The following PHACTR2 variants were observed in gnomAD, a reference collection of about 807,000 sequenced individuals.
The protein encoded by PHACTR2 is phosphatase and actin regulator 2.
A neutral mutation model predicts 76.0 loss-of-function variants in PHACTR2; 30 were observed. The ratio of observed to expected loss-of-function variants is 0.39; its 90% confidence interval spans 0.30 to 0.54. PHACTR2 has a LOEUF of 0.54. Among genes scored for constraint, PHACTR2 ranks in the 20% least tolerant of loss-of-function variants. The probability of loss-of-function intolerance (pLI) is 0.61; values close to 1 mark genes in which losing one functional copy is unlikely to be tolerated. For synonymous variants in PHACTR2, 292 were observed against 292.5 expected (o/e 1.00, Z 0.02); for missense variants, 696 against 781.1 (o/e 0.89, Z 1.30).
chr6:143,669,947 G>T (rs567533905), intron 1 of PHACTR2, among the ~76,000 whole-genome samples: 9 of 152,222 alleles, frequency 5.9e-5, no homozygotes, highest in African/African-American at 2.2e-4. Flanking sequence ...TCATAGTGTC[G>T]ATGGACTTTA....
At position 143,825,165 on chromosome 6, in the gene PHACTR2, A is replaced by G. The variant is rs571291802; in HGVS notation, c.*1476A>G. The G allele has an allele frequency of 2.0e-5, 3 of 152,728 alleles. No homozygotes were observed. The highest frequency in any genetic ancestry group is 4.4e-5 in the Non-Finnish European group (3 of 68,020). 9.5% of individuals were successfully genotyped at this position (152,728 alleles called of 1,614,324 possible). A position where few individuals can be genotyped will look rare whatever the true frequency, so the allele number is the denominator to read the frequency against. On this transcript the variant is annotated 3_prime_UTR_variant, in exon 13 of 13. Coordinates refer to ENST00000440869, the MANE Select transcript of PHACTR2 (RefSeq NM_001100164.2). The surrounding 1 kb of genome is among the most constrained non-coding windows in gnomAD (Gnocchi z 4.1). ...ATTAAAAACACATGAAATGAATAAC[A>G]AAACAAGACCCAAATAGAGTTTATT...
At position 143,580,881 on chromosome 6, in the gene PHACTR2, G is replaced by A. The variant is rs1775564365; in HGVS notation, c.217+43674G>A. Among the ~76,000 whole-genome samples the A allele has an allele frequency of 6.6e-6, 1 of 152,130 alleles. No individual in the cohort carries two copies. The highest frequency in any genetic ancestry group is 2.4e-5 in the African/African-American group (1 of 41,442). ...AGGGAACCAGGGTGGAGGTAAACTGGGAGGTGGGTGCTAAAACTTCTAGGG... is the reference window on the plus strand; with the variant it reads ...AGGGAACCAGGGTGGAGGTAAACTGAGAGGTGGGTGCTAAAACTTCTAGGG... On this transcript the variant is annotated intron_variant, in intron 1 of 11. Transcript: ENST00000367584. This position sits in a 1 kb window ranked among gnomAD's most constrained non-coding sequence, Gnocchi z 4.2.
At position 143,619,882 on chromosome 6, in the gene PHACTR2, G is replaced by C. The variant is rs1256550109; in HGVS notation, c.13+11560G>C. On this transcript the variant is annotated intron_variant, in intron 1 of 11. Coordinates refer to the PHACTR2 transcript ENST00000305766. This position sits in a 1 kb window ranked among gnomAD's most constrained non-coding sequence, Gnocchi z 4.5. ...AGAGTGAAAATATCTTAGGTCCCCT[G>C]TGTGAGATTCTATAGTCTTCACAGC... Among the ~76,000 whole-genome samples, 2 of 152,138 alleles carry C rather than the reference G, an allele frequency of 1.3e-5. No homozygotes were observed. The highest frequency in any genetic ancestry group is 2.9e-5 in the Non-Finnish European group (2 of 68,020).
In PHACTR2 at chr6:143,755,379, C is replaced by T. The variant is rs768474302; in HGVS notation, c.454+1467C>T. The stretch of plus-strand genomic sequence containing the variant: ...CATCCAAGAATCGCATCCTGCATTA[C>T]GTAACAGTGCCATCTCTGGTGCCTG... On this transcript the variant is annotated intron_variant, in intron 4 of 12. Transcript: ENST00000440869. This position sits in a 1 kb window ranked among gnomAD's most constrained non-coding sequence, Gnocchi z 5.2. The T allele has an allele frequency of 3.4e-4, 157 of 455,900 alleles. No homozygotes were observed. The highest frequency in any genetic ancestry group is 5.6e-4 in the Non-Finnish European group (126 of 226,792). 28.2% of individuals were successfully genotyped at this position (455,900 alleles called of 1,614,324 possible).
chr6:143,599,368 A>G lies in PHACTR2; in HGVS notation c.217+62161A>G, dbSNP rs73778604. On this transcript the variant is annotated intron_variant, in intron 1 of 11. Transcript: ENST00000367584. This position sits in a 1 kb window ranked among gnomAD's most constrained non-coding sequence, Gnocchi z 4.6. The stretch of plus-strand genomic sequence containing the variant: ...AACATGCTTTTTAGGCATTTTTAGG[A>G]ATTTTGGCCCTGCCTGGACCACACT... Among the ~76,000 whole-genome samples the G allele has an allele frequency of 0.014, 2,172 of 152,182 alleles. 63 individuals carry two copies. The highest frequency in any genetic ancestry group is 0.049 in the African/African-American group (2,026 of 41,512).
chr6:143,780,196 GC>G lies in PHACTR2; in HGVS notation c.1645+2814del, dbSNP rs146278577. Reference sequence around the variant, plus strand: ...GTTGGAGGAATTTTACAGTAAATCCGCATATATCTACCATCTATAGTCTGTC... The same window carrying G: ...GTTGGAGGAATTTTACAGTAAATCCGATATATCTACCATCTATAGTCTGTC... On this transcript the variant is annotated intron_variant, in intron 9 of 12. Transcript: ENST00000440869. The surrounding 1 kb of genome is among the most constrained non-coding windows in gnomAD (Gnocchi z 4.4). 8.5e-5 allele frequency among the ~76,000 whole-genome samples: 13 copies of G among 152,064 alleles called. No individual in the cohort carries two copies. In the East Asian group the frequency reaches 2.5e-3, roughly 29 times the overall value.
Position 143,742,683 on chromosome 6 carries a change from T to C in PHACTR2, c.215-6302T>C, listed in dbSNP as rs887251098. On this transcript the variant is annotated intron_variant, in intron 2 of 12. Transcript: ENST00000440869. The surrounding 1 kb of genome is among the most constrained non-coding windows in gnomAD (Gnocchi z 4.5). ...AAAGGAAAAATGTCAGGAAGGCCAT[T>C]TCTAAAAGAAGTAGAAGAGGATGCT... is the stretch of plus-strand genomic sequence containing the variant. Among the ~76,000 whole-genome samples, 14 of 152,150 alleles carry C rather than the reference T, an allele frequency of 9.2e-5. No homozygotes were observed. Among genetic ancestry groups the C allele is most frequent in the African/African-American group, 3.1e-4 (13 of 41,444 alleles).
chr6:143,603,945 A>G (rs1775839965), upstream of PHACTR2, among the ~76,000 whole-genome samples: 1 of 152,014 alleles, frequency 6.6e-6, no homozygotes, highest in African/African-American at 2.4e-5. Context: ...TAAAAATACA[A>G]AAAGTTACCT....
rs1261247151 is a variant in PHACTR2, at chr6:143,751,636, T to C, written c.296-2118T>C. ...TCCTTATTTAACCACTTGTTCCTGT[T>C]TGTGCTTTATCTCTGTTTTCTTTAA... On this transcript the variant is annotated intron_variant, in intron 3 of 12. Transcript: ENST00000440869. This position sits in a 1 kb window ranked among gnomAD's most constrained non-coding sequence, Gnocchi z 5.7. Among the ~76,000 whole-genome samples, 1 of 152,166 alleles carries C rather than the reference T, an allele frequency of 6.6e-6. No individual in the cohort carries two copies. The highest frequency in any genetic ancestry group is 1.5e-5 in the Non-Finnish European group (1 of 68,046).
Position 143,782,043 on chromosome 6 carries a change from T to C in PHACTR2, c.1646-1176T>C, listed in dbSNP as rs538740841. ...CTGTTGCAAATATTGAATACTGATA[T>C]GTTATTCACAGTAAAAATAATCTTA... On this transcript the variant is annotated intron_variant, in intron 9 of 12. Transcript: ENST00000440869. This position sits in a 1 kb window ranked among gnomAD's most constrained non-coding sequence, Gnocchi z 4.6. 1.2e-4 allele frequency among the ~76,000 whole-genome samples: 18 copies of C among 152,336 alleles called. No individual in the cohort carries two copies. The highest frequency in any genetic ancestry group is 4.3e-4 in the African/African-American group (18 of 41,572).
rs1776575566 is a variant in PHACTR2 at position 143,827,693 on chromosome 6, T to C, written c.*4004T>C. The stretch of plus-strand genomic sequence containing the variant: ...CACTATTAGAGCATGTTGTGAGTAG[T>C]AAGGAACTACTTAGATGCAATTTAT... On this transcript the variant is annotated 3_prime_UTR_variant, in exon 13 of 13. Coordinates refer to ENST00000440869, the MANE Select transcript of PHACTR2 (RefSeq NM_001100164.2). 1 of 152,210 alleles carries C rather than the reference T, an allele frequency of 6.6e-6. No individual in the cohort carries two copies. The highest frequency in any genetic ancestry group is 1.5e-5 in the Non-Finnish European group (1 of 68,022). The allele number at this position is 152,210 out of a possible 1,614,324, so 9.4% of individuals were successfully genotyped here.
At chr6:143,699,891 C>T (rs1777863468) in intron 1 of PHACTR2, among the ~76,000 whole-genome samples, 1 of 152,080 alleles carries the variant, frequency 6.6e-6, no homozygotes, top group Admixed American at 6.5e-5. Context: ...TTGGGGACTC[C>T]GTATGACTAA....
chr6:143,719,591 C>T (rs1450330872), intron 2 of PHACTR2, among the ~76,000 whole-genome samples: 1 of 147,840 alleles, frequency 6.8e-6, no homozygotes, highest in Admixed American at 6.8e-5. Flanking sequence ...CTCAGGTGAT[C>T]CACCTGCCTC....
chr6:143,667,639 T>G (rs1343093048), intron 1 of PHACTR2, among the ~76,000 whole-genome samples: 2 of 152,212 alleles, frequency 1.3e-5, no homozygotes, highest in African/African-American at 4.8e-5. Context: ...TCGTAGCAAT[T>G]GTGAATGGGA....
chr6:143,766,876 G>T (rs930065132), intron 6 of PHACTR2, among the ~76,000 whole-genome samples: 1 of 152,192 alleles, frequency 6.6e-6, no homozygotes, highest in Non-Finnish European at 1.5e-5. Context: ...TATAGTAGAC[G>T]CAATGATAAA....
intron 1 of PHACTR2, among the ~76,000 whole-genome samples, chr6:143,703,206 G>C (rs1777958593): frequency 6.6e-6 from 1 of 150,420 alleles, no homozygotes; most frequent in Admixed American, 6.6e-5. Context: ...AATGCTGCTG[G>C]AAGTCAAAAT....
rs2128485975 is a variant in PHACTR2 at position 143,816,277 on chromosome 6, A to G, written c.1923-7397A>G. Among the ~76,000 whole-genome samples the G allele has an allele frequency of 6.6e-6, 1 of 152,342 alleles. No individual in the cohort carries two copies. The highest frequency in any genetic ancestry group is 1.9e-4 in the East Asian group (1 of 5,190). On this transcript the variant is annotated intron_variant, in intron 12 of 12. Transcript: ENST00000440869. The surrounding 1 kb of genome is among the most constrained non-coding windows in gnomAD (Gnocchi z 4.5). ...GCTGAACTTCTCCTACCTTAAAATG[A>G]ATGCAAACTACCGAGAAATAGCAAA... is the stretch of plus-strand genomic sequence containing the variant.
At chr6:143,726,744 T>C (rs9373401) in intron 2 of PHACTR2, among the ~76,000 whole-genome samples, 46,425 of 152,110 alleles carry the variant, frequency 0.31, 7,632 homozygotes, top group Middle Eastern at 0.39. Flanking sequence ...TGTTAACCAT[T>C]CTAGTAGGTA....
chr6:143,720,610 A>C (rs1778417406), intron 2 of PHACTR2, among the ~76,000 whole-genome samples: 1 of 152,100 alleles, frequency 6.6e-6, no homozygotes, highest in Non-Finnish European at 1.5e-5. Flanking sequence ...CATGGTTGTT[A>C]ATCTTTTTGT....
Sources: allele counts gnomAD v4.1 joint callset (sites outside exome capture counted in the v4.1 genomes callset), GRCh38; gene constraint gnomAD v4.1.1; non-coding constraint Gnocchi (gnomAD v3.1); transcripts MANE v1.5; gene names NCBI Gene and HGNC (gene_info 2026-07-23, HGNC 2026-07-21).